Variants in COL18A1 observed in about 807,000 individuals in gnomAD.
COL18A1 encodes collagen type XVIII alpha 1 chain.
Under a neutral mutation model 168.0 loss-of-function variants are expected in COL18A1, and 133 were observed. The ratio of observed to expected loss-of-function variants is 0.79; its 90% confidence interval spans 0.69 to 0.91. The LOEUF (loss-of-function observed/expected upper bound fraction) is 0.91, where lower values mean the gene tolerates loss of function less well. COL18A1 is among the 40% of genes least tolerant of loss of function. COL18A1 has a pLI of 0.00. For missense variants in COL18A1, 2,126 were observed against 1,925.4 expected (o/e 1.10, Z -1.95); for synonymous variants, 949 against 809.0 (o/e 1.17, Z -2.94).
At chr21:45,405,858 G>A (rs1238066780) in intron 2 of COL18A1, among the ~76,000 whole-genome samples, 1 of 151,798 alleles carries the variant, frequency 6.6e-6, no homozygotes, top group Non-Finnish European at 1.5e-5. Context: ...GGGACTGACC[G>A]CGGGCGGAAG....
At chr21:45,482,133 C>A in intron 14 of COL18A1, 108 bp downstream of exon 14, 1 of 841,588 alleles carries the variant, frequency 1.2e-6, no homozygotes, top group Non-Finnish European at 2.0e-6. Context: ...CAGGAATAGC[C>A]CCCCATCACA....
intron 38 of COL18A1, among the ~76,000 whole-genome samples, 170 bp from the exon 39 acceptor site, chr21:45,509,186 C>T (rs1295956251): frequency 1.3e-5 from 2 of 152,056 alleles, no homozygotes; most frequent in Admixed American, 6.5e-5. Flanking sequence ...CAGGACTCCC[C>T]ACCCTTGCTG....
chr21:45,494,617 G>GC, intron 27 of COL18A1, 46 bp downstream of exon 27: 1 of 1,611,922 alleles, frequency 6.2e-7, no homozygotes, highest in Non-Finnish European at 8.5e-7. Flanking sequence ...GGGCATGACG[G>GC]CCCCCAAGGA....
chr21:45,511,086 C>T lies in COL18A1; in HGVS notation c.3694-25C>T, dbSNP rs1325776974. ...CATCCACACCCCCACACACCACACA[C>T]ACATACACACGGTTTCTCTTCCAGG... On this transcript the variant is annotated intron_variant, in intron 40 of 41. Coordinates refer to ENST00000651438, the MANE Select transcript of COL18A1 (RefSeq NM_001379500.1). 353 of 1,151,830 alleles carry T rather than the reference C, an allele frequency of 3.1e-4. 5 individuals carry two copies. The African/African-American group carries it at 5.7e-3, about 19-fold the overall frequency. 71.4% of individuals were successfully genotyped at this position (1,151,830 alleles called of 1,614,324 possible).
chr21:45,447,586 T>TCTA (rs2034531590), intron 2 of COL18A1, among the ~76,000 whole-genome samples: 2 of 151,982 alleles, frequency 1.3e-5, no homozygotes, highest in Non-Finnish European at 2.9e-5. Flanking sequence ...TCAACTAGAG[T>TCTA]CCACACAACT....
chr21:45,405,578 G>A, intron 2 of COL18A1, 105 bp downstream of exon 2: 1 of 680,534 alleles, frequency 1.5e-6, no homozygotes, highest in Non-Finnish European at 2.0e-6. Context: ...GGCCGCTCTG[G>A]GTTCAGCCCC....
intron 2 of COL18A1, among the ~76,000 whole-genome samples, chr21:45,444,274 C>G (rs936720384): frequency 6.6e-6 from 1 of 152,168 alleles, no homozygotes; most frequent in Non-Finnish European, 1.5e-5. Context: ...GCAGCAGGAG[C>G]ACGGGTGTGC....
rs866454181 is a variant in COL18A1 at position 45,473,752 on chromosome 21, C to T, written c.652-143C>T. ...TCCTACCATGAGGCATACCGCACCC[C>T]CAGGGAGGCTGCCCGAGACCCCTTC... On this transcript the variant is annotated intron_variant, in intron 3 of 41. Transcript: ENST00000651438. This position sits in a 1 kb window ranked among gnomAD's most constrained non-coding sequence, Gnocchi z 4.0. 1 of 732,216 alleles carries T rather than the reference C, an allele frequency of 1.4e-6. No individual in the cohort carries two copies. Among genetic ancestry groups the T allele is most frequent in the Admixed American group, 2.0e-5 (1 of 49,566 alleles). 45.4% of individuals were successfully genotyped at this position (732,216 alleles called of 1,614,324 possible).
In COL18A1 at chr21:45,486,856, C is replaced by T. The variant is rs1192526031; in HGVS notation, c.1702-5C>T. 6.2e-5 allele frequency: 94 copies of T among 1,527,696 alleles called. No individual in the cohort carries two copies. Among genetic ancestry groups the T allele is most frequent in the East Asian group, 1.2e-4 (5 of 40,488 alleles). 94.6% of individuals were successfully genotyped at this position (1,527,696 alleles called of 1,614,324 possible). ...GTCCTGACACGCTCTCCTCACCCCA[C>T]GCAGGGGAGCAAGGGAGCCCCCGGT... On this transcript the variant is annotated splice_polypyrimidine_tract_variant and splice_region_variant and intron_variant, in intron 15 of 41. Coordinates refer to ENST00000651438, the MANE Select transcript of COL18A1 (RefSeq NM_001379500.1).
intron 13 of COL18A1, among the ~76,000 whole-genome samples, chr21:45,481,152 A>G (rs1400404518): frequency 6.6e-6 from 1 of 152,072 alleles, no homozygotes; most frequent in Non-Finnish European, 1.5e-5. Flanking sequence ...GAGCGTCTCC[A>G]TGAGCAATTC....
intron 3 of COL18A1, among the ~76,000 whole-genome samples, chr21:45,469,530 G>A (rs569742382): frequency 6.6e-6 from 1 of 152,346 alleles, no homozygotes; most frequent in African/African-American, 2.4e-5. Flanking sequence ...TGAGTCTCCG[G>A]GAAGTCCCTC....
At chr21:45,506,007 C>G (rs1342136295) in intron 37 of COL18A1, 41 bp downstream of exon 37, 1 of 1,612,302 alleles carries the variant, frequency 6.2e-7, no homozygotes, top group African/African-American at 1.3e-5. Context: ...CGTGGAAGGG[C>G]CGAAGCCGCC....
Position 45,443,767 on chromosome 21 carries a change from G to A in COL18A1, c.107-24475G>A, listed in dbSNP as rs567080614. Among the ~76,000 whole-genome samples the A allele has an allele frequency of 2.7e-4, 41 of 152,296 alleles. No individual in the cohort carries two copies. Among genetic ancestry groups the A allele is most frequent in the South Asian group, 8.3e-4 (4 of 4,822 alleles). Reference sequence around the variant, plus strand: ...GTCTTTATGAGAGCAATGCGGCCCCGTGCCCCTTTACGCGGCTCTGCTGGT... The same window carrying A: ...GTCTTTATGAGAGCAATGCGGCCCCATGCCCCTTTACGCGGCTCTGCTGGT... On this transcript the variant is annotated intron_variant, in intron 2 of 41. Coordinates refer to ENST00000651438, the MANE Select transcript of COL18A1 (RefSeq NM_001379500.1). This position sits in a 1 kb window ranked among gnomAD's most constrained non-coding sequence, Gnocchi z 5.2.
At chr21:45,474,942 C>T (rs2035590466) in intron 4 of COL18A1, among the ~76,000 whole-genome samples, 1 of 152,234 alleles carries the variant, frequency 6.6e-6, no homozygotes, top group African/African-American at 2.4e-5. Context: ...AAGGCTGCGC[C>T]CTGGGACAGC....
chr21:45,512,930 T>C lies in COL18A1; in HGVS notation c.*532T>C, dbSNP rs560265269. The C allele has an allele frequency of 1.1e-3, 219 of 191,600 alleles. No individual in the cohort carries two copies. Among genetic ancestry groups the C allele is most frequent in the African/African-American group, 5.0e-3 (213 of 42,412 alleles). The allele number at this position is 191,600 out of a possible 1,614,324, so 11.9% of individuals were successfully genotyped here. On this transcript the variant is annotated 3_prime_UTR_variant, in exon 42 of 42. Coordinates refer to ENST00000651438, the MANE Select transcript of COL18A1 (RefSeq NM_001379500.1). ...TAGATGGGAGGGAGGCTCAGGTCCCTGGGGCTAGGGGGAGCCCCTTCTGCT... is the reference window on the plus strand; with the variant it reads ...TAGATGGGAGGGAGGCTCAGGTCCCCGGGGCTAGGGGGAGCCCCTTCTGCT...
intron 20 of COL18A1, 93 bp downstream of exon 20, chr21:45,490,439 CG>C: frequency 1.1e-6 from 1 of 899,660 alleles, no homozygotes; most frequent in Non-Finnish European, 1.6e-6. Context: ...TGTGCCCTCC[CG>C]GGTCCCTGGG....
intron 12 of COL18A1, 40 bp downstream of exon 12, chr21:45,480,560 G>A (rs764672876): frequency 1.9e-6 from 3 of 1,613,988 alleles, no homozygotes; most frequent in East Asian, 2.2e-5. Context: ...CGATGTCTGT[G>A]CCCATGAGGA....
intron 31 of COL18A1, 79 bp from the exon 32 acceptor site, chr21:45,497,520 G>A: frequency 6.5e-7 from 1 of 1,527,672 alleles, no homozygotes; most frequent in Admixed American, 2.0e-5. Context: ...AGGCACTAGG[G>A]CATTTCGGGC....
At chr21:45,503,832 C>T (rs2037017349) in intron 32 of COL18A1, 179 bp from the exon 33 acceptor site, 2 of 438,730 alleles carry the variant, frequency 4.6e-6, no homozygotes, top group South Asian at 5.8e-5. Flanking sequence ...AAAAAGGCAC[C>T]ATTAACAAAA....
Sources: allele counts gnomAD v4.1 joint callset (sites outside exome capture counted in the v4.1 genomes callset), GRCh38; gene constraint gnomAD v4.1.1; non-coding constraint Gnocchi (gnomAD v3.1); transcripts MANE v1.5; gene names NCBI Gene and HGNC (gene_info 2026-07-23, HGNC 2026-07-21).